DNAJC1: variants seen among roughly 807,000 people sequenced by gnomAD.
DNAJC1 encodes DnaJ heat shock protein family (Hsp40) member C1.
DNAJC1 carries 58 observed loss-of-function variants against 76.6 expected under a neutral mutation model. The ratio of observed to expected loss-of-function variants is 0.76; its 90% CI spans 0.61 to 0.94. The LOEUF is 0.94. DNAJC1 is among the 40% of genes least tolerant of loss of function. The pLI is 0.00. For missense variants in DNAJC1, 689 were observed against 677.3 expected (o/e 1.02, Z -0.19); for synonymous variants, 258 against 267.9 (o/e 0.96, Z 0.36).
chr10:21,911,943 G>C (rs1836870897), intron 6 of DNAJC1, among the ~76,000 whole-genome samples: 3 of 152,134 alleles, frequency 2.0e-5, no homozygotes, highest in Non-Finnish European at 4.4e-5. Context: ...CGTGTTTAAG[G>C]TAGGCTAGGC....
At chr10:21,954,058 A>C (rs1048875025) in intron 1 of DNAJC1, among the ~76,000 whole-genome samples, 2 of 152,092 alleles carry the variant, frequency 1.3e-5, no homozygotes, top group Non-Finnish European at 2.9e-5. Flanking sequence ...CAAGGCATAT[A>C]AAAATATTTT....
At chr10:21,890,230 T>C (rs1405371789) in intron 7 of DNAJC1, among the ~76,000 whole-genome samples, 2 of 151,670 alleles carry the variant, frequency 1.3e-5, no homozygotes, top group South Asian at 2.1e-4. Flanking sequence ...CTGGCCAACA[T>C]GGTGAAACCC....
At chr10:21,845,468 C>T (rs1835643007) in intron 8 of DNAJC1, among the ~76,000 whole-genome samples, 1 of 151,712 alleles carries the variant, frequency 6.6e-6, no homozygotes, top group Non-Finnish European at 1.5e-5. Flanking sequence ...TATTCTCCTG[C>T]CTTAGCCTCC....
rs1382459969 is a variant in DNAJC1 at position 21,928,660 on chromosome 10, TATACAA to T, written c.325-114_325-109del. On this transcript the variant is annotated intron_variant, in intron 2 of 11. Coordinates refer to ENST00000376980, the MANE Select transcript of DNAJC1 (RefSeq NM_022365.4). ...ATGCAGAAAATCCTATGTGCCTATA[TATACAA>T]TAAACAGATGAAATCTCCTTTATAA... 3.6e-6 allele frequency: 3 copies of T among 828,078 alleles called. No homozygotes were observed. In the African/African-American group the frequency reaches 5.1e-5, roughly 14 times the overall value. The allele number at this position is 828,078 out of a possible 1,614,324, so 51.3% of individuals were successfully genotyped here.
In DNAJC1 at chr10:21,809,246, C is replaced by T. The variant is rs2131644118; in HGVS notation, c.979-3147G>A. Among the ~76,000 whole-genome samples the T allele has an allele frequency of 2.0e-5, 3 of 151,564 alleles. No individual in the cohort carries two copies. In the East Asian group the frequency reaches 5.8e-4, roughly 29 times the overall value. ...TTTATTTGGCACTAAAAATTATGGC[C>T]AAATTAAAAAAAATTTTTAATGTAC... On this transcript the variant is annotated intron_variant, in intron 8 of 11. Coordinates refer to ENST00000376980, the MANE Select transcript of DNAJC1 (RefSeq NM_022365.4).
intron 1 of DNAJC1, among the ~76,000 whole-genome samples, chr10:21,936,818 A>G (rs1774188756): frequency 6.6e-6 from 1 of 152,150 alleles, no homozygotes; most frequent in African/African-American, 2.4e-5. Context: ...AAAATAGTAC[A>G]CTAGAAAAAA....
At chr10:21,848,238 G>T (rs1470746422) in intron 8 of DNAJC1, among the ~76,000 whole-genome samples, 1 of 151,996 alleles carries the variant, frequency 6.6e-6, no homozygotes, top group African/African-American at 2.4e-5. Flanking sequence ...TCATATACTT[G>T]TTGGCCATTT....
intron 9 of DNAJC1, among the ~76,000 whole-genome samples, chr10:21,786,142 A>G (rs1033171272): frequency 1.3e-5 from 2 of 151,856 alleles, no homozygotes; most frequent in Non-Finnish European, 2.9e-5. Flanking sequence ...AACACACATA[A>G]TGGGAAGATT....
intron 3 of DNAJC1, among the ~76,000 whole-genome samples, chr10:21,927,992 C>T (rs1227234813): frequency 1.3e-5 from 2 of 152,156 alleles, no homozygotes; most frequent in African/African-American, 4.8e-5. Flanking sequence ...GAAATAGATG[C>T]AAGAGGCAAA....
intron 10 of DNAJC1, among the ~76,000 whole-genome samples, chr10:21,765,027 G>C (rs1320538283): frequency 1.3e-5 from 2 of 152,176 alleles, no homozygotes; most frequent in Non-Finnish European, 2.9e-5. Context: ...ATCTACGTCA[G>C]TTCCTTACTC....
intron 6 of DNAJC1, among the ~76,000 whole-genome samples, chr10:21,909,780 AGGAG>A (rs1836823789): frequency 6.6e-6 from 1 of 152,228 alleles, no homozygotes; most frequent in Non-Finnish European, 1.5e-5. Context: ...ATAATGAGCA[AGGAG>A]GCCACATGTT....
chr10:21,961,581 G>C (rs1279460404), intron 1 of DNAJC1, among the ~76,000 whole-genome samples: 1 of 152,124 alleles, frequency 6.6e-6, no homozygotes, highest in Admixed American at 6.6e-5. Context: ...GTGGGGGAAG[G>C]GGAAAAGGGT....
chr10:21,980,254 G>T (rs750591517), intron 1 of DNAJC1, among the ~76,000 whole-genome samples: 22 of 151,854 alleles, frequency 1.4e-4, no homozygotes, highest in Non-Finnish European at 3.1e-4. Flanking sequence ...TTCCTACAAA[G>T]AAATTAACAA....
chr10:21,757,523 G>GT (rs775588728), intron 11 of DNAJC1, among the ~76,000 whole-genome samples: 1 of 152,224 alleles, frequency 6.6e-6, no homozygotes. Context: ...GAGAAAGGAT[G>GT]TTTACTCTCC....
chr10:21,897,261 C>T (rs1331525949), intron 7 of DNAJC1, among the ~76,000 whole-genome samples: 3 of 152,086 alleles, frequency 2.0e-5, no homozygotes, highest in African/African-American at 7.2e-5. Context: ...GTGGTGTTTA[C>T]TCCAAGTATG....
At chr10:21,788,709 G>A (rs1016029569) in intron 9 of DNAJC1, among the ~76,000 whole-genome samples, 1 of 152,118 alleles carries the variant, frequency 6.6e-6, no homozygotes, top group Non-Finnish European at 1.5e-5. Context: ...ACTACATGGT[G>A]CCTCACATCC....
intron 8 of DNAJC1, among the ~76,000 whole-genome samples, chr10:21,809,100 T>C (rs1380109627): frequency 6.6e-6 from 1 of 152,158 alleles, no homozygotes; most frequent in Non-Finnish European, 1.5e-5. Flanking sequence ...TGTTCAAAGA[T>C]TTGGTGTCTC....
chr10:21,856,661 C>G (rs919392746), intron 8 of DNAJC1, among the ~76,000 whole-genome samples: 1 of 151,906 alleles, frequency 6.6e-6, no homozygotes, highest in South Asian at 2.1e-4. Flanking sequence ...ATAAAGAGGG[C>G]TGGTTTAAAA....
chr10:21,903,792 G>A (rs537052356), intron 7 of DNAJC1, among the ~76,000 whole-genome samples: 41 of 152,006 alleles, frequency 2.7e-4, no homozygotes, highest in Non-Finnish European at 4.7e-4. Flanking sequence ...TTACCCTCAT[G>A]GAGCTTACAT....
Sources: allele counts gnomAD v4.1 joint callset (sites outside exome capture counted in the v4.1 genomes callset), GRCh38; gene constraint gnomAD v4.1.1; transcripts MANE v1.5; gene names NCBI Gene and HGNC (gene_info 2026-07-23, HGNC 2026-07-21).